TMEM229B: variants seen among roughly 807,000 people sequenced by gnomAD.
TMEM229B encodes the protein transmembrane protein 229B.
Under a neutral mutation model 13.7 loss-of-function variants are expected in TMEM229B, and 6 were observed. The ratio of observed to expected loss-of-function variants is 0.44; its 90% CI spans 0.24 to 0.86. TMEM229B has a LOEUF of 0.86. Among genes scored for constraint, TMEM229B ranks in the 40% least tolerant of loss-of-function variants. The pLI is 0.23. For missense variants in TMEM229B, 170 were observed against 236.0 expected, an observed-to-expected ratio of 0.72 and a Z score of 1.83; for synonymous variants, 107 against 102.1, an observed-to-expected ratio of 1.05 and a Z score of -0.29.
At chr14:67,509,978 A>G (rs1031951320) in intron 1 of TMEM229B, among the ~76,000 whole-genome samples, 2 of 152,140 alleles carry the variant, frequency 1.3e-5, no homozygotes, top group Admixed American at 1.3e-4. Context: ...CCACTGCACT[A>G]AAGCCTGAGC....
chr14:67,525,303 C>T (rs1357724502), intron 1 of TMEM229B, among the ~76,000 whole-genome samples: 2 of 152,130 alleles, frequency 1.3e-5, no homozygotes, highest in African/African-American at 4.8e-5. Flanking sequence ...CTAGACATTG[C>T]TTCACTTGAC....
intron 1 of TMEM229B, chr14:67,503,607 C>T (rs1438514306): frequency 6.6e-6 from 1 of 152,232 alleles, no homozygotes; most frequent in Non-Finnish European, 1.5e-5. Context: ...GAGTCAGATT[C>T]TTTCCATTCA....
intron 1 of TMEM229B, among the ~76,000 whole-genome samples, chr14:67,528,571 A>G (rs2033401055): frequency 6.6e-6 from 1 of 152,206 alleles, no homozygotes; most frequent in African/African-American, 2.4e-5. Flanking sequence ...AAAATGATCT[A>G]GAATTGCAGT....
chr14:67,492,169 C>A (rs745775647), upstream of TMEM229B, among the ~76,000 whole-genome samples: 1 of 152,172 alleles, frequency 6.6e-6, no homozygotes, highest in Non-Finnish European at 1.5e-5. Context: ...CCAACTCCAT[C>A]GCCTTGGAGG....
intron 2 of TMEM229B, among the ~76,000 whole-genome samples, chr14:67,484,972 G>A (rs962640075): frequency 5.9e-5 from 9 of 152,224 alleles, no homozygotes; most frequent in East Asian, 1.9e-4. Context: ...TCCAGCAAGC[G>A]GAAAACTGTA....
At chr14:67,504,449 T>A (rs1201972203) in intron 1 of TMEM229B, among the ~76,000 whole-genome samples, 1 of 152,244 alleles carries the variant, frequency 6.6e-6, no homozygotes, top group Non-Finnish European at 1.5e-5. Context: ...TCACTAACCT[T>A]TTCATTTAAG....
At chr14:67,526,558 G>A (rs1173927400) in intron 1 of TMEM229B, among the ~76,000 whole-genome samples, 1 of 152,184 alleles carries the variant, frequency 6.6e-6, no homozygotes, top group African/African-American at 2.4e-5. Context: ...TCCCTGAAAC[G>A]ACGCAAAATT....
upstream of TMEM229B, among the ~76,000 whole-genome samples, chr14:67,489,279 C>T (rs2032054966): frequency 6.6e-6 from 1 of 152,216 alleles, no homozygotes; most frequent in African/African-American, 2.4e-5. Context: ...TCCCAGTCCT[C>T]AGCCTCCAGA....
chr14:67,481,349 A>G (rs1231998820), intron 2 of TMEM229B, among the ~76,000 whole-genome samples: 1 of 152,216 alleles, frequency 6.6e-6, no homozygotes. Context: ...GGTGTGCCCC[A>G]AGCCCAGATT....
intron 2 of TMEM229B, among the ~76,000 whole-genome samples, chr14:67,483,100 GC>G (rs2031682285): frequency 6.6e-6 from 1 of 151,850 alleles, no homozygotes; most frequent in African/African-American, 2.4e-5. Flanking sequence ...AACCTCTGTC[GC>G]CCGGGTTCAA....
At chr14:67,518,748 C>T (rs747840996), upstream of TMEM229B, among the ~76,000 whole-genome samples, 35 of 152,180 alleles carry the variant, frequency 2.3e-4, no homozygotes, top group Non-Finnish European at 3.5e-4. Flanking sequence ...AGAAAGATTT[C>T]TTTATGCTTG....
chr14:67,481,736 C>T (rs1271227344), intron 2 of TMEM229B, among the ~76,000 whole-genome samples: 1 of 152,206 alleles, frequency 6.6e-6, no homozygotes, highest in Non-Finnish European at 1.5e-5. Context: ...TATTCCCTGC[C>T]CCGGCCTCCA....
chr14:67,518,975 A>G (rs1280974169), upstream of TMEM229B, among the ~76,000 whole-genome samples: 3 of 152,234 alleles, frequency 2.0e-5, no homozygotes, highest in Admixed American at 6.5e-5. Context: ...AAGCAGAAGA[A>G]GCATTGAAGT....
intron 1 of TMEM229B, among the ~76,000 whole-genome samples, chr14:67,521,926 C>T (rs753301494): frequency 6.6e-6 from 1 of 152,132 alleles, no homozygotes; most frequent in African/African-American, 2.4e-5. Context: ...TTTGTAATCC[C>T]AGCATTTTGG....
At chr14:67,509,078 CCAAA>C (rs1159276247) in intron 1 of TMEM229B, among the ~76,000 whole-genome samples, 1 of 151,940 alleles carries the variant, frequency 6.6e-6, no homozygotes, top group Non-Finnish European at 1.5e-5. Context: ...AAAATGTTGC[CCAAA>C]CAGACCGTTA....
intron 1 of TMEM229B, among the ~76,000 whole-genome samples, chr14:67,514,752 C>T (rs1204595975): frequency 6.6e-6 from 1 of 152,120 alleles, no homozygotes; most frequent in Non-Finnish European, 1.5e-5. Flanking sequence ...CGCTGCCCCT[C>T]GCTTCCCCCT....
upstream of TMEM229B, among the ~76,000 whole-genome samples, chr14:67,489,716 C>T (rs543579656): frequency 6.0e-4 from 91 of 152,328 alleles, no homozygotes; most frequent in Middle Eastern, 3.4e-3. Flanking sequence ...TGTAGCCGGG[C>T]GCGGTGGCTC....
At chr14:67,523,060 C>T (rs558990303) in intron 1 of TMEM229B, among the ~76,000 whole-genome samples, 1 of 152,188 alleles carries the variant, frequency 6.6e-6, no homozygotes, top group Non-Finnish European at 1.5e-5. Context: ...CGCGGTGGCT[C>T]ATGCCTATAA....
At chr14:67,493,023 G>A (rs2032229722), upstream of TMEM229B, among the ~76,000 whole-genome samples, 1 of 152,192 alleles carries the variant, frequency 6.6e-6, no homozygotes, top group Admixed American at 6.5e-5. Flanking sequence ...TAAGGAGGTA[G>A]CATTTGGGCA....
Sources: allele counts gnomAD v4.1 joint callset (sites outside exome capture counted in the v4.1 genomes callset), GRCh38; gene constraint gnomAD v4.1.1; transcripts MANE v1.5; gene names NCBI Gene and HGNC (gene_info 2026-07-23, HGNC 2026-07-21).